ARHGAP6: variants seen among roughly 807,000 people sequenced by gnomAD.
ARHGAP6 encodes rho GTPase-activating protein 6.
Under a neutral mutation model 55.7 loss-of-function variants are expected in ARHGAP6, and 16 were observed. The ratio of observed to expected loss-of-function variants is 0.29; its 90% CI spans 0.19 to 0.44. The LOEUF is 0.44. Among genes scored for constraint, ARHGAP6 ranks in the 20% least tolerant of loss-of-function variants. The probability of loss-of-function intolerance (pLI) is 1.00; values close to 1 mark genes in which losing one functional copy is unlikely to be tolerated. For missense variants in ARHGAP6, 698 were observed against 808.9 expected (o/e 0.86, Z 1.66); for synonymous variants, 382 against 360.9 (o/e 1.06, Z -0.66).
intron 1 of ARHGAP6, among the ~76,000 whole-genome samples, chrX:11,557,111 G>GAAGAAA (rs1177063445): frequency 2.7e-5 from 3 of 112,353 alleles, no homozygotes; most frequent in African/African-American, 9.7e-5. Flanking sequence ...AGGAGAGGAA[G>GAAGAAA]AAGAAAAAGG....
intron 1 of ARHGAP6, among the ~76,000 whole-genome samples, chrX:11,378,366 G>T (rs2049225893): frequency 8.9e-6 from 1 of 112,518 alleles, no homozygotes. Flanking sequence ...ATCCTTCATG[G>T]ACATGGTTAC....
At chrX:11,145,433 C>T (rs937091769) in intron 10 of ARHGAP6, among the ~76,000 whole-genome samples, 16 of 111,822 alleles carry the variant, frequency 1.4e-4, no homozygotes, top group South Asian at 3.8e-4. Context: ...GAGGCAAACA[C>T]GGGCCTGAAC....
intron 1 of ARHGAP6, among the ~76,000 whole-genome samples, chrX:11,653,615 G>A (rs1014812045): frequency 5.4e-5 from 6 of 112,073 alleles, no homozygotes; most frequent in Non-Finnish European, 1.1e-4. Flanking sequence ...TACTTCCTAC[G>A]TGCTGGGCAC....
intron 1 of ARHGAP6, among the ~76,000 whole-genome samples, chrX:11,447,982 A>G (rs187896389): frequency 2.3e-3 from 264 of 112,549 alleles, no homozygotes; most frequent in Non-Finnish European, 3.8e-3. Context: ...TGCAGTCACC[A>G]TTGGACAGCC....
chrX:11,267,127 G>A (rs1340843643), intron 1 of ARHGAP6, among the ~76,000 whole-genome samples: 3 of 111,622 alleles, frequency 2.7e-5, no homozygotes, highest in Non-Finnish European at 5.7e-5. Context: ...CTCATCAATG[G>A]AAGTTACATC....
At chrX:11,267,480 A>G (rs1223934497) in intron 1 of ARHGAP6, among the ~76,000 whole-genome samples, 1 of 112,285 alleles carries the variant, frequency 8.9e-6, no homozygotes, top group Non-Finnish European at 1.9e-5. Flanking sequence ...CTGTCATCCC[A>G]ACCACTATGA....
intron 1 of ARHGAP6, among the ~76,000 whole-genome samples, chrX:11,520,131 T>TTATATATATATATATATATATA (rs1160731443): frequency 5.5e-5 from 1 of 18,250 alleles, no homozygotes; most frequent in Non-Finnish European, 1.0e-4. Flanking sequence ...AGAATTGATT[T>TTATATATATATATATATATATA]TATATATATA....
intron 5 of ARHGAP6, among the ~76,000 whole-genome samples, chrX:11,183,122 G>A (rs975037613): frequency 1.8e-5 from 2 of 111,356 alleles, no homozygotes; most frequent in African/African-American, 6.5e-5. Flanking sequence ...CAAATTGGGT[G>A]TAGTGTATAC....
At chrX:11,264,590 G>A (rs1360762920) in intron 1 of ARHGAP6, among the ~76,000 whole-genome samples, 2 of 111,687 alleles carry the variant, frequency 1.8e-5, no homozygotes, top group Admixed American at 1.9e-4. Context: ...CTCGAGTCTT[G>A]GATGGGAGGA....
intron 8 of ARHGAP6, among the ~76,000 whole-genome samples, chrX:11,173,746 T>C (rs2046127577): frequency 1.8e-5 from 2 of 112,293 alleles, no homozygotes; most frequent in Admixed American, 1.9e-4. Flanking sequence ...CACCAGTGAA[T>C]GATGCATTGA....
intron 1 of ARHGAP6, among the ~76,000 whole-genome samples, chrX:11,453,295 A>T (rs1367845837): frequency 2.0e-5 from 2 of 97,622 alleles, no homozygotes; most frequent in African/African-American, 3.7e-5. Flanking sequence ...ATATATACAT[A>T]ATATATATAT....
At position 11,590,910 on chromosome X, in the gene ARHGAP6, G is replaced by GAAAGAAAGA. The variant is rs1556119234; in HGVS notation, c.588+73330_588+73331insTCTTTCTTT. The stretch of plus-strand genomic sequence containing the variant: ...AGAAAGAAAGAAAGAAAGAAAGAAA[G>GAAAGAAAGA]AAAGAAAAGAAAAGAAAAGATAAGT... On this transcript the variant is annotated intron_variant, in intron 1 of 12. Coordinates refer to ENST00000337414, the MANE Select transcript of ARHGAP6 (RefSeq NM_013427.3). Among the ~76,000 whole-genome samples, 401 of 83,814 alleles carry GAAAGAAAGA rather than the reference G, an allele frequency of 4.8e-3. 47 individuals are homozygous for GAAAGAAAGA. Among genetic ancestry groups the GAAAGAAAGA allele is most frequent in the Non-Finnish European group, 7.6e-3 (324 of 42,802 alleles). The allele number at this position is 83,814 out of a possible 115,157, so 72.8% of individuals were successfully genotyped here.
In ARHGAP6 at chrX:11,665,388, C is replaced by G. The variant is rs986556646; in HGVS notation, c.-560G>C. The G allele has an allele frequency of 2.6e-5, 3 of 113,607 alleles. No individual in the cohort carries two copies. Among genetic ancestry groups the G allele is most frequent in the African/African-American group, 6.4e-5 (2 of 31,333 alleles). 9.4% of individuals were successfully genotyped at this position (113,607 alleles called of 1,213,427 possible). ...CCTGAGCCGGGCGCCTGAGCTGCGCCTCCCTGCACTCTCTCCTTGCCCCGG... is the reference window on the plus strand; with the variant it reads ...CCTGAGCCGGGCGCCTGAGCTGCGCGTCCCTGCACTCTCTCCTTGCCCCGG... On this transcript the variant is annotated 5_prime_UTR_variant, in exon 1 of 13. Coordinates refer to ENST00000337414, the MANE Select transcript of ARHGAP6 (RefSeq NM_013427.3).
At chrX:11,467,015 T>C (rs1473784723) in intron 1 of ARHGAP6, among the ~76,000 whole-genome samples, 1 of 112,372 alleles carries the variant, frequency 8.9e-6, no homozygotes, top group East Asian at 2.8e-4. Flanking sequence ...AGCCAGTGCT[T>C]GCCTTGAAGT....
chrX:11,367,390 T>C (rs778103037), intron 1 of ARHGAP6, among the ~76,000 whole-genome samples: 4 of 111,470 alleles, frequency 3.6e-5, no homozygotes, highest in Non-Finnish European at 7.5e-5. Flanking sequence ...GTGACCCTGA[T>C]GAAGCAGAAC....
chrX:11,552,575 T>TATAC (rs2051278972), intron 1 of ARHGAP6, among the ~76,000 whole-genome samples: 1 of 58,752 alleles, frequency 1.7e-5, no homozygotes, highest in Non-Finnish European at 3.1e-5. Context: ...TATATATATA[T>TATAC]ATATATATAT....
chrX:11,166,404 C>A (rs768646411), intron 9 of ARHGAP6, among the ~76,000 whole-genome samples: 3 of 112,042 alleles, frequency 2.7e-5, no homozygotes, highest in Non-Finnish European at 5.6e-5. Context: ...AGCTCTTAAA[C>A]CCAAGGACTG....
intron 1 of ARHGAP6, among the ~76,000 whole-genome samples, chrX:11,535,016 C>A (rs999839817): frequency 1.2e-4 from 13 of 111,005 alleles, no homozygotes; most frequent in African/African-American, 4.3e-4. Flanking sequence ...ATTTTCTTCC[C>A]CCCATTTCAC....
chrX:11,234,633 C>T (rs1204313113), intron 2 of ARHGAP6, among the ~76,000 whole-genome samples: 1 of 112,336 alleles, frequency 8.9e-6, no homozygotes, highest in African/African-American at 3.2e-5. Flanking sequence ...GTTGCAAAAA[C>T]TAAGCATAGT....
Sources: gnomAD v4.1 joint callset for allele counts (sites outside exome capture counted in the v4.1 genomes callset) on GRCh38, gnomAD v4.1.1 for gene constraint, MANE v1.5 for transcripts, NCBI Gene and HGNC (gene_info 2026-07-23, HGNC 2026-07-21) for gene names.